The following CSMD1 variants were observed in gnomAD, a reference collection of about 807,000 sequenced individuals.
CSMD1 encodes CUB and Sushi multiple domains 1, also known as CUB and sushi domain-containing protein 1.
Under a neutral mutation model 417.5 loss-of-function variants are expected in CSMD1, and 213 were observed. The ratio of observed to expected loss-of-function variants is 0.51; its 90% confidence interval spans 0.46 to 0.57. The LOEUF (loss-of-function observed/expected upper bound fraction) is 0.57, where lower values mean the gene tolerates loss of function less well. Among genes scored for constraint, CSMD1 ranks in the 20% least tolerant of loss-of-function variants. The pLI, the probability that CSMD1 is intolerant of heterozygous loss-of-function variation, is 0.00. For synonymous variants in CSMD1, 2,862 were observed against 1,736.8 expected (o/e 1.65, Z -16.11); for missense variants, 6,923 against 4,529.7 (o/e 1.53, Z -15.17).
chr8:4,032,031 T>A lies in CSMD1; in HGVS notation c.484A>T (p.Asn162Tyr). ...LKGVLHGTRF[N>Y]IGDKIRYSCL... ...CTGTACCGGATTTTGTCTCCTATGT[T>A]GAATCTCGTTCCATGCAGAACTCCT... The change falls in exon 4 of 70, where the codon AAC becomes TAC. Residue 162 changes from asparagine (N) to tyrosine (Y), a missense_variant. Physicochemically the swap from Asn to Tyr is moderately radical, Grantham distance 143. Coordinates refer to ENST00000635120, the MANE Select transcript of CSMD1 (RefSeq NM_033225.6). 17 of 1,613,976 alleles carry A rather than the reference T, an allele frequency of 1.1e-5. No homozygotes were observed. The highest frequency in any genetic ancestry group is 1.4e-5 in the Non-Finnish European group (16 of 1,179,872).
intron 5 of CSMD1, among the ~76,000 whole-genome samples, chr8:3,969,119 C>T (rs767302220): frequency 6.6e-6 from 1 of 152,204 alleles, no homozygotes; most frequent in African/African-American, 2.4e-5. Context: ...GGCTTGGTGG[C>T]ATATGCCTGT....
intron 2 of CSMD1, among the ~76,000 whole-genome samples, chr8:4,465,782 G>C (rs925502860): frequency 2.6e-5 from 4 of 152,110 alleles, no homozygotes; most frequent in Admixed American, 6.6e-5. Flanking sequence ...TCTGAGAATG[G>C]GGGTGGTTAT....
intron 41 of CSMD1, 100 bp downstream of exon 41, chr8:3,142,365 T>C: frequency 9.5e-7 from 1 of 1,050,678 alleles, no homozygotes; most frequent in Non-Finnish European, 1.4e-6. Context: ...ATTCCACTCG[T>C]ACAAGCTTGG....
intron 1 of CSMD1, among the ~76,000 whole-genome samples, chr8:4,747,267 T>A (rs997463251): frequency 6.6e-6 from 1 of 152,210 alleles, no homozygotes; most frequent in Non-Finnish European, 1.5e-5. Flanking sequence ...TAAGTAGTAT[T>A]GAAAACAAGC....
chr8:4,135,338 GAAGGAAGGA>G (rs1563169021), intron 3 of CSMD1, among the ~76,000 whole-genome samples: 10 of 49,920 alleles, frequency 2.0e-4, no homozygotes, highest in African/African-American at 5.5e-4. Flanking sequence ...GAAGGGGAAA[GAAGGAAGGA>G]AGGGAAAGGA....
chr8:4,335,331 T>C (rs1257540124), intron 3 of CSMD1, among the ~76,000 whole-genome samples: 5 of 152,260 alleles, frequency 3.3e-5, no homozygotes, highest in Non-Finnish European at 5.9e-5. Context: ...CTCGGACTTT[T>C]GTGGGGAAAG....
At chr8:2,961,049 G>C (rs1045953466) in intron 62 of CSMD1, 92 bp downstream of exon 62, 1 of 689,156 alleles carries the variant, frequency 1.5e-6, no homozygotes, top group South Asian at 2.6e-5. Flanking sequence ...ACATGAATAA[G>C]GTATGATATA....
rs1388356247 is a variant in CSMD1, at chr8:4,929,248, C to G, written c.85+65084G>C. ...GTCTGAAAGCCAGCGAGAGAGGCTGCAGAGAAACCAAACCTGCAGACACCG... is the reference window on the plus strand; with the variant it reads ...GTCTGAAAGCCAGCGAGAGAGGCTGGAGAGAAACCAAACCTGCAGACACCG... On this transcript the variant is annotated intron_variant, in intron 1 of 69. Coordinates refer to ENST00000635120, the MANE Select transcript of CSMD1 (RefSeq NM_033225.6). 2.0e-5 allele frequency among the ~76,000 whole-genome samples: 3 copies of G among 152,204 alleles called. No individual in the cohort carries two copies. In the East Asian group the frequency reaches 5.8e-4, roughly 29 times the overall value.
intron 3 of CSMD1, among the ~76,000 whole-genome samples, chr8:4,202,202 A>G (rs1215445420): frequency 6.6e-6 from 1 of 152,202 alleles, no homozygotes; most frequent in Non-Finnish European, 1.5e-5. Context: ...TAATGACGCA[A>G]CAAAATGAGA....
intron 1 of CSMD1, among the ~76,000 whole-genome samples, chr8:4,816,636 G>T (rs1484588428): frequency 6.6e-6 from 1 of 152,144 alleles, no homozygotes; most frequent in Non-Finnish European, 1.5e-5. Flanking sequence ...ACCTGTTCCC[G>T]ACCGTATGGC....
chr8:4,390,020 G>C (rs1326527999), intron 3 of CSMD1, among the ~76,000 whole-genome samples: 4 of 152,078 alleles, frequency 2.6e-5, no homozygotes, highest in Non-Finnish European at 5.9e-5. Flanking sequence ...TTACCAATTT[G>C]CTTTTCACAA....
rs189473850 is a variant in CSMD1, at chr8:3,957,305, T to C, written c.818+40598A>G. On this transcript the variant is annotated intron_variant, in intron 5 of 69. Coordinates refer to ENST00000635120, the MANE Select transcript of CSMD1 (RefSeq NM_033225.6). ...TACTTTTGTGCCCTCAGAAATATTT[T>C]TTTAGTTGTTTCTTTCATTCAACAA... is the stretch of plus-strand genomic sequence containing the variant. Among the ~76,000 whole-genome samples, 217 of 152,314 alleles carry C rather than the reference T, an allele frequency of 1.4e-3. 1 individual carries two copies. The highest frequency in any genetic ancestry group is 4.6e-3 in the African/African-American group (193 of 41,570).
intron 23 of CSMD1, among the ~76,000 whole-genome samples, chr8:3,335,321 C>G (rs964659225): frequency 6.6e-6 from 1 of 152,180 alleles, no homozygotes; most frequent in East Asian, 1.9e-4. Flanking sequence ...TCAATTTCCC[C>G]TCCATCACAC....
chr8:4,401,748 G>T (rs370980600), intron 3 of CSMD1, among the ~76,000 whole-genome samples: 39 of 152,010 alleles, frequency 2.6e-4, no homozygotes, highest in Middle Eastern at 3.4e-3. Flanking sequence ...TGAAGCTGGC[G>T]TCCCCTCTCT....
At chr8:4,720,349 T>C (rs1808972930) in intron 1 of CSMD1, among the ~76,000 whole-genome samples, 1 of 152,160 alleles carries the variant, frequency 6.6e-6, no homozygotes, top group African/African-American at 2.4e-5. Flanking sequence ...TGGTACCATG[T>C]ATTATCTCAA....
At chr8:4,593,213 T>A (rs139737254) in intron 2 of CSMD1, among the ~76,000 whole-genome samples, 1 of 152,326 alleles carries the variant, frequency 6.6e-6, no homozygotes, top group South Asian at 2.1e-4. Context: ...ATCTGCCTTT[T>A]GCTGCTGCTG....
intron 5 of CSMD1, among the ~76,000 whole-genome samples, chr8:3,813,113 C>G (rs550162034): frequency 8.0e-6 from 1 of 125,438 alleles, no homozygotes; most frequent in South Asian, 2.7e-4. Context: ...TTTTTTTTAA[C>G]TAGATGAAGA....
At chr8:3,530,529 G>A (rs1048249126) in intron 10 of CSMD1, among the ~76,000 whole-genome samples, 1 of 152,016 alleles carries the variant, frequency 6.6e-6, no homozygotes, top group Non-Finnish European at 1.5e-5. Flanking sequence ...GTTTTGTTTT[G>A]TTTTTGTTTT....
intron 1 of CSMD1, among the ~76,000 whole-genome samples, chr8:4,734,494 T>G (rs1810099219): frequency 6.6e-6 from 1 of 152,178 alleles, no homozygotes; most frequent in South Asian, 2.1e-4. Flanking sequence ...GCTCTAAGAT[T>G]TTTTTATTTC....
Sources: allele counts gnomAD v4.1 joint callset (sites outside exome capture counted in the v4.1 genomes callset), GRCh38; gene constraint gnomAD v4.1.1; transcripts MANE v1.5; gene names NCBI Gene and HGNC (gene_info 2026-07-23, HGNC 2026-07-21).